The following TRAPPC9 variants were observed in gnomAD, a reference collection of about 807,000 sequenced individuals.
TRAPPC9 encodes the protein trafficking protein particle complex subunit 9.
In TRAPPC9, 83 loss-of-function variants were observed where a neutral mutation model predicts 124.0. The ratio of observed to expected loss-of-function variants is 0.67; its 90% CI spans 0.56 to 0.80. The LOEUF (loss-of-function observed/expected upper bound fraction) is 0.80, where lower values mean the gene tolerates loss of function less well. Ranked by LOEUF, TRAPPC9 falls within the 30% of genes least tolerant of loss-of-function variation. The probability of loss-of-function intolerance (pLI) is 0.00; values close to 1 mark genes in which losing one functional copy is unlikely to be tolerated. For missense variants in TRAPPC9, 1,302 were observed against 1,508.3 expected (o/e 0.86, Z 2.27); for synonymous variants, 638 against 617.5 (o/e 1.03, Z -0.49).
chr8:139,991,260 C>T (rs1049024487), intron 18 of TRAPPC9, among the ~76,000 whole-genome samples: 4 of 152,212 alleles, frequency 2.6e-5, no homozygotes, highest in African/African-American at 4.8e-5. Context: ...TCACAGAATA[C>T]GGTGCTTACG....
chr8:139,777,200 G>A (rs899165021), intron 21 of TRAPPC9, among the ~76,000 whole-genome samples: 1 of 152,230 alleles, frequency 6.6e-6, no homozygotes. Context: ...CATTTAGCAG[G>A]AAGTACTTCT....
chr8:140,125,224 A>G (rs1266722431), intron 17 of TRAPPC9, among the ~76,000 whole-genome samples: 1 of 152,188 alleles, frequency 6.6e-6, no homozygotes, highest in Non-Finnish European at 1.5e-5. Flanking sequence ...AAGGGCCTCA[A>G]AGGTAACTGG....
Position 139,740,044 on chromosome 8 carries a change from A to T in TRAPPC9, c.3056-7842T>A, listed in dbSNP as rs199965967. Reference sequence around the variant, plus strand: ...ATTTGGCACATGAGGGACCAGGGCCATGTCCCAGAAGTGCGTCCTGAATGA... The same window carrying T: ...ATTTGGCACATGAGGGACCAGGGCCTTGTCCCAGAAGTGCGTCCTGAATGA... On this transcript the variant is annotated intron_variant, in intron 21 of 22. Coordinates refer to ENST00000438773, the MANE Select transcript of TRAPPC9 (RefSeq NM_001160372.4). Among the ~76,000 whole-genome samples, 47 of 152,310 alleles carry T rather than the reference A, an allele frequency of 3.1e-4. 2 individuals carry two copies. In the East Asian group the frequency reaches 8.1e-3, roughly 26 times the overall value.
intron 17 of TRAPPC9, among the ~76,000 whole-genome samples, chr8:140,126,395 C>T (rs919228429): frequency 2.6e-5 from 4 of 152,200 alleles, no homozygotes; most frequent in Admixed American, 1.3e-4. Context: ...AAGACGTTAA[C>T]GAATCAGCCC....
chr8:140,047,935 A>G (rs1017690205), intron 17 of TRAPPC9, among the ~76,000 whole-genome samples: 8 of 152,162 alleles, frequency 5.3e-5, no homozygotes, highest in Non-Finnish European at 8.8e-5. Context: ...ACAAGCTGCC[A>G]GCAAGGCAGG....
At chr8:140,160,693 C>T (rs1265039861) in intron 17 of TRAPPC9, among the ~76,000 whole-genome samples, 2 of 151,984 alleles carry the variant, frequency 1.3e-5, no homozygotes, top group Non-Finnish European at 2.9e-5. Flanking sequence ...ATGCCTAATG[C>T]AAATGATAAG....
intron 1 of TRAPPC9, 91 bp from the exon 2 acceptor site, chr8:140,451,474 C>G: frequency 9.0e-7 from 1 of 1,109,822 alleles, no homozygotes; most frequent in Middle Eastern, 2.0e-4. Context: ...CCTTCACTAC[C>G]CAGAGGCAGG....
intron 21 of TRAPPC9, among the ~76,000 whole-genome samples, chr8:139,812,698 A>G (rs190588058): frequency 6.6e-6 from 1 of 152,330 alleles, no homozygotes; most frequent in East Asian, 1.9e-4. Context: ...AGAGACTCCT[A>G]TATAAATTAG....
At chr8:140,110,298 A>AGCTCCCCACAT (rs2060742139) in intron 17 of TRAPPC9, among the ~76,000 whole-genome samples, 1 of 81,362 alleles carries the variant, frequency 1.2e-5, no homozygotes, top group African/African-American at 5.3e-5. Context: ...CCCCTGCAGC[A>AGCTCCCCACAT]GCTCCCCCTA....
intron 17 of TRAPPC9, among the ~76,000 whole-genome samples, chr8:140,135,275 T>C (rs1170343439): frequency 1.3e-5 from 2 of 152,262 alleles, no homozygotes; most frequent in African/African-American, 2.4e-5. Flanking sequence ...AAACTAAGCA[T>C]AGAATCCTCG....
At chr8:139,777,138 C>T (rs990309567) in intron 21 of TRAPPC9, among the ~76,000 whole-genome samples, 10 of 152,318 alleles carry the variant, frequency 6.6e-5, no homozygotes, top group Admixed American at 4.6e-4. Flanking sequence ...GTTTTCTCTA[C>T]CGCATGGTCA....
intron 19 of TRAPPC9, among the ~76,000 whole-genome samples, chr8:139,982,941 G>A (rs550579326): frequency 1.1e-3 from 163 of 152,230 alleles, no homozygotes; most frequent in Non-Finnish European, 2.0e-3. Flanking sequence ...TGGCACACTG[G>A]CCCTGGCCAC....
chr8:139,832,406 G>A (rs1042590144), intron 21 of TRAPPC9, among the ~76,000 whole-genome samples: 4 of 152,308 alleles, frequency 2.6e-5, no homozygotes, highest in East Asian at 1.9e-4. Flanking sequence ...GAGACCTGCC[G>A]CTCCTGCCAG....
intron 17 of TRAPPC9, among the ~76,000 whole-genome samples, chr8:140,189,780 G>T (rs770883611): frequency 2.0e-5 from 3 of 151,810 alleles, no homozygotes; most frequent in Non-Finnish European, 2.9e-5. Flanking sequence ...CTTTTGCTTC[G>T]CATTTGCAGC....
Position 140,411,283 on chromosome 8 carries a change from C to T in TRAPPC9, c.887-5585G>A, listed in dbSNP as rs150893374. On this transcript the variant is annotated intron_variant, in intron 5 of 22. Transcript: ENST00000438773. ...CTTTCCAACAAAAGAAACTAAAACTCCTTAGAAAAACGTCCGATTCCAGAG... is the reference window on the plus strand; with the variant it reads ...CTTTCCAACAAAAGAAACTAAAACTTCTTAGAAAAACGTCCGATTCCAGAG... Among the ~76,000 whole-genome samples, 84 of 152,310 alleles carry T rather than the reference C, an allele frequency of 5.5e-4. No homozygotes were observed. The East Asian group carries it at 0.015, about 28-fold the overall frequency.
At chr8:140,191,870 A>T (rs2062498660) in intron 17 of TRAPPC9, among the ~76,000 whole-genome samples, 2 of 152,180 alleles carry the variant, frequency 1.3e-5, no homozygotes, top group South Asian at 4.1e-4. Flanking sequence ...CAGGTCTGAG[A>T]GTCTGTAACC....
intron 13 of TRAPPC9, among the ~76,000 whole-genome samples, 189 bp downstream of exon 13, chr8:140,287,419 C>T (rs771850142): frequency 2.6e-5 from 4 of 152,004 alleles, no homozygotes; most frequent in Admixed American, 1.3e-4. Flanking sequence ...CAGGAAGGAC[C>T]CCTCCCACCA....
intron 17 of TRAPPC9, among the ~76,000 whole-genome samples, chr8:140,068,034 G>T (rs1178921219): frequency 6.6e-6 from 1 of 152,076 alleles, no homozygotes; most frequent in Non-Finnish European, 1.5e-5. Flanking sequence ...TGCCCGTATT[G>T]CTTCTGAACT....
rs754762657 is a variant in TRAPPC9, at chr8:140,371,160, A to G, written c.1155T>C (p.Ile385=). Residue 385 remains isoleucine, a synonymous_variant, in exon 8 of 23, where the codon ATT becomes ATC. Coordinates refer to ENST00000438773, the MANE Select transcript of TRAPPC9 (RefSeq NM_001160372.4). ...GCTCGGAGAGGATGCTGTAGCGCTG[A>G]ATTTTCTCTTCCTCAGAAAGCTGAA... ...NLRQLSEEEK[I]QRYSILSELY... 2 of 1,613,322 alleles carry G rather than the reference A, an allele frequency of 1.2e-6. No homozygotes were observed. The highest frequency in any genetic ancestry group is 1.7e-6 in the Non-Finnish European group (2 of 1,179,654).
Sources: allele counts gnomAD v4.1 joint callset (sites outside exome capture counted in the v4.1 genomes callset), GRCh38; gene constraint gnomAD v4.1.1; transcripts MANE v1.5; gene names NCBI Gene and HGNC (gene_info 2026-07-23, HGNC 2026-07-21).